Variants in PLXNA4 observed in about 807,000 individuals in gnomAD.
PLXNA4 encodes the protein plexin A4, also known as plexin-A4.
A neutral mutation model predicts 191.8 loss-of-function variants in PLXNA4; 44 were observed. That is an observed-to-expected ratio of 0.23 (90% CI 0.18 to 0.29). The LOEUF (loss-of-function observed/expected upper bound fraction) is 0.29. Ranked by LOEUF, PLXNA4 falls within the 10% of genes least tolerant of loss-of-function variation. The probability of loss-of-function intolerance (pLI) is 1.00; values close to 1 mark genes in which losing one functional copy is unlikely to be tolerated. For missense variants in PLXNA4, 1,800 were observed against 2,488.8 expected (o/e 0.72, Z 5.89); for synonymous variants, 1,082 against 1,009.5 (o/e 1.07, Z -1.36).
At chr7:132,614,739 G>T (rs1803117895) in intron 2 of PLXNA4, among the ~76,000 whole-genome samples, 1 of 152,206 alleles carries the variant, frequency 6.6e-6, no homozygotes, top group South Asian at 2.1e-4. Flanking sequence ...TTTGGTACTA[G>T]TTCAGTTTAT....
At position 132,227,509 on chromosome 7, in the gene PLXNA4, A is replaced by G; in HGVS notation, c.1824T>C (p.Asn608=). 6.2e-7 allele frequency: 1 copy of G among 1,614,058 alleles called. No homozygotes were observed. Residue 608 remains asparagine (N), a synonymous_variant, in exon 7 of 32, where the codon AAT becomes AAC. Coordinates refer to ENST00000321063, the MANE Select transcript of PLXNA4 (RefSeq NM_020911.2). ...LSEMDGLVVG[N]QIQCYSPAAK... ...CTGCAGGGGAGTAGCACTGGATCTG[A>G]TTGCCCACGACCAGCCCATCCATCT...
In PLXNA4 at chr7:132,503,047, C is replaced by T. The variant is rs139455077; in HGVS notation, c.1188+4459G>A. ...ACCTTCTGCATGCCACCTTTCTCCA[C>T]ACCGCCTAATCAGTACTATGGCCGA... On this transcript the variant is annotated intron_variant, in intron 2 of 31. Transcript: ENST00000321063. Among the ~76,000 whole-genome samples the T allele has an allele frequency of 1.2e-4, 18 of 152,310 alleles. No homozygotes were observed. In the East Asian group the frequency reaches 3.1e-3, roughly 26 times the overall value.
chr7:132,484,224 G>A (rs1797450954), intron 3 of PLXNA4, among the ~76,000 whole-genome samples: 1 of 152,234 alleles, frequency 6.6e-6, no homozygotes, highest in Non-Finnish European at 1.5e-5. Flanking sequence ...AAGGTGGGAG[G>A]AAGGCCCATG....
chr7:132,196,067 C>CA (rs1255144644), intron 13 of PLXNA4, among the ~76,000 whole-genome samples: 3 of 152,196 alleles, frequency 2.0e-5, no homozygotes, highest in African/African-American at 7.2e-5. Flanking sequence ...CATACTGAAA[C>CA]CCCCACTAGT....
intron 1 of PLXNA4, among the ~76,000 whole-genome samples, chr7:132,540,681 G>A (rs1029928309): frequency 3.7e-5 from 5 of 136,406 alleles, no homozygotes; most frequent in African/African-American, 5.4e-5. Flanking sequence ...TCCGCTTCCC[G>A]GGTTCACGCC....
chr7:132,466,061 C>T (rs1033635218), intron 3 of PLXNA4, among the ~76,000 whole-genome samples: 3 of 152,166 alleles, frequency 2.0e-5, no homozygotes, highest in Admixed American at 1.3e-4. Flanking sequence ...AGCTGAAGCC[C>T]CTCAGCTCAG....
At chr7:132,605,655 C>CA (rs1802909768) in intron 2 of PLXNA4, among the ~76,000 whole-genome samples, 1 of 148,742 alleles carries the variant, frequency 6.7e-6, no homozygotes, top group African/African-American at 2.5e-5. Context: ...CTCACATGCA[C>CA]AAAAAAATGT....
At chr7:132,546,911 A>T (rs1169431947) in intron 1 of PLXNA4, among the ~76,000 whole-genome samples, 1 of 152,178 alleles carries the variant, frequency 6.6e-6, no homozygotes, top group Non-Finnish European at 1.5e-5. Context: ...AGATTCACAA[A>T]ATGAAAATAT....
chr7:132,379,950 T>A (rs759328783), intron 3 of PLXNA4, among the ~76,000 whole-genome samples: 1 of 152,234 alleles, frequency 6.6e-6, no homozygotes, highest in Non-Finnish European at 1.5e-5. Context: ...TTGGGCTTCA[T>A]ATGTTCTTGG....
chr7:132,186,365 T>C (rs374747814), intron 15 of PLXNA4, among the ~76,000 whole-genome samples: 22 of 152,336 alleles, frequency 1.4e-4, no homozygotes, highest in African/African-American at 5.3e-4. Flanking sequence ...AGAGTGGATC[T>C]GACCCTCGTG....
chr7:132,497,086 C>G (rs1798049409), intron 2 of PLXNA4, among the ~76,000 whole-genome samples: 1 of 151,560 alleles, frequency 6.6e-6, no homozygotes, highest in African/African-American at 2.4e-5. Context: ...TAAATTTCTT[C>G]CCATTAATTA....
At chr7:132,300,188 C>T (rs1801251912) in intron 3 of PLXNA4, among the ~76,000 whole-genome samples, 1 of 152,120 alleles carries the variant, frequency 6.6e-6, no homozygotes, top group Non-Finnish European at 1.5e-5. Context: ...AAACAAGTGG[C>T]CTGTGGGATA....
chr7:132,338,612 T>C (rs1261760942), intron 3 of PLXNA4, among the ~76,000 whole-genome samples: 2 of 152,198 alleles, frequency 1.3e-5, no homozygotes, highest in African/African-American at 4.8e-5. Context: ...GGATGTTCTA[T>C]AGACAGCCAG....
In PLXNA4 at chr7:132,226,250, A is replaced by G. The variant is rs750937419; in HGVS notation, c.1893T>C (p.His631=). 4.3e-6 allele frequency: 7 copies of G among 1,613,304 alleles called. No homozygotes were observed. The African/African-American group carries it at 5.3e-5, about 12-fold the overall frequency. Residue 631 remains histidine (H), a synonymous_variant, in exon 8 of 32, where the codon CAT becomes CAC. Coordinates refer to ENST00000321063, the MANE Select transcript of PLXNA4 (RefSeq NM_020911.2). ...TTGATTTGAGCTGAAGCTGTACGACATGGTGGTCCCCTACAAGGAGAGATG... is the reference window on the plus strand; with the variant it reads ...TTGATTTGAGCTGAAGCTGTACGACGTGGTGGTCCCCTACAAGGAGAGATG... ...PRIITENGDH[H]VVQLQLKSKE... is the part of the protein sequence containing the mutation.
chr7:132,211,285 C>G, intron 9 of PLXNA4, 142 bp from the exon 10 acceptor site: 1 of 798,172 alleles, frequency 1.3e-6, no homozygotes, highest in Non-Finnish European at 2.0e-6. Flanking sequence ...TCGTGCCCAC[C>G]CAGTGGGCAA....
chr7:132,265,554 T>C (rs575874455), intron 4 of PLXNA4, among the ~76,000 whole-genome samples: 10 of 151,992 alleles, frequency 6.6e-5, no homozygotes, highest in Non-Finnish European at 1.5e-5. Context: ...GAAGACAGGA[T>C]TGGGGTCATT....
At chr7:132,360,896 A>G (rs1267866318) in intron 3 of PLXNA4, among the ~76,000 whole-genome samples, 2 of 152,220 alleles carry the variant, frequency 1.3e-5, no homozygotes, top group African/African-American at 2.4e-5. Flanking sequence ...CATCTGCTGA[A>G]TGCACATTTT....
At chr7:132,499,747 C>T (rs565057496) in intron 2 of PLXNA4, among the ~76,000 whole-genome samples, 1 of 152,302 alleles carries the variant, frequency 6.6e-6, no homozygotes, top group Admixed American at 6.5e-5. Flanking sequence ...ACTCTCACGG[C>T]AATGTATCTT....
chr7:132,435,958 C>G (rs1795455447), intron 3 of PLXNA4, among the ~76,000 whole-genome samples: 1 of 152,236 alleles, frequency 6.6e-6, no homozygotes, highest in Non-Finnish European at 1.5e-5. Flanking sequence ...AACAATAGTA[C>G]TAATATTCTC....
Sources: gnomAD v4.1 joint callset for allele counts (sites outside exome capture counted in the v4.1 genomes callset) on GRCh38, gnomAD v4.1.1 for gene constraint, MANE v1.5 for transcripts, NCBI Gene and HGNC (gene_info 2026-07-23, HGNC 2026-07-21) for gene names.